Variants in APH1B observed in about 807,000 individuals in gnomAD.
The protein encoded by APH1B is aph-1B gamma-secretase subunit.
A neutral mutation model predicts 28.2 loss-of-function variants in APH1B; 27 were observed. The ratio of observed to expected loss-of-function variants is 0.96; its 90% CI spans 0.70 to 1.32. The LOEUF (loss-of-function observed/expected upper bound fraction) is 1.32. APH1B is among the 40% of genes most tolerant of loss of function. APH1B has a pLI of 0.00. For missense variants in APH1B, 305 were observed against 313.6 expected, an observed-to-expected ratio of 0.97 and a Z score of 0.21; for synonymous variants, 141 against 124.6, an observed-to-expected ratio of 1.13 and a Z score of -0.88.
At position 63,307,127 on chromosome 15, in the gene APH1B, T is replaced by G. The variant is rs1190994073; in HGVS notation, c.*1346T>G. On this transcript the variant is annotated 3_prime_UTR_variant, in exon 6 of 6. Coordinates refer to ENST00000261879, the MANE Select transcript of APH1B (RefSeq NM_031301.4). Reference sequence around the variant, plus strand: ...GTGATGTCTCAGTGAATACCATACATGCAGTAGAACATTCAGAAGAGAGGA... The same window carrying G: ...GTGATGTCTCAGTGAATACCATACAGGCAGTAGAACATTCAGAAGAGAGGA... 1 of 152,230 alleles carries G rather than the reference T, an allele frequency of 6.6e-6. No individual in the cohort carries two copies. Among genetic ancestry groups the G allele is most frequent in the Non-Finnish European group, 1.5e-5 (1 of 68,038 alleles). The allele number at this position is 152,230 out of a possible 1,614,324, so 9.4% of individuals were successfully genotyped here.
At chr15:63,300,166 A>G (rs558764510) in intron 4 of APH1B, among the ~76,000 whole-genome samples, 2 of 152,260 alleles carry the variant, frequency 1.3e-5, no homozygotes, top group African/African-American at 2.4e-5. Flanking sequence ...TCAGGGGTCA[A>G]GAAGCTCTGG....
At chr15:63,301,157 C>T (rs909656392) in intron 4 of APH1B, among the ~76,000 whole-genome samples, 1 of 152,206 alleles carries the variant, frequency 6.6e-6, no homozygotes, top group Non-Finnish European at 1.5e-5. Context: ...AACAAGTTCC[C>T]AGGTGCAGTG....
At chr15:63,299,646 C>G (rs1230997401) in intron 4 of APH1B, among the ~76,000 whole-genome samples, 1 of 152,024 alleles carries the variant, frequency 6.6e-6, no homozygotes, top group Non-Finnish European at 1.5e-5. Flanking sequence ...CCTCGTGATA[C>G]TCCTGCCTCG....
chr15:63,277,785 G>T (rs374623558), intron 1 of APH1B, 49 bp downstream of exon 1: 3 of 1,559,080 alleles, frequency 1.9e-6, no homozygotes, highest in East Asian at 2.3e-5. Flanking sequence ...CCCCTCCCCC[G>T]CTGGGGTTAC....
At chr15:63,282,072 A>C (rs938268903) in intron 2 of APH1B, among the ~76,000 whole-genome samples, 1 of 152,356 alleles carries the variant, frequency 6.6e-6, no homozygotes, top group African/African-American at 2.4e-5. Context: ...TTTCCCAGCA[A>C]ATTTGAGAAA....
At chr15:63,292,068 G>A (rs183830155) in intron 4 of APH1B, 17 of 152,150 alleles carry the variant, frequency 1.1e-4, no homozygotes, top group East Asian at 5.8e-4. Flanking sequence ...TTTTCTATTC[G>A]TAATATTTTA....
chr15:63,284,910 G>T (rs1289014699), intron 2 of APH1B, among the ~76,000 whole-genome samples: 1 of 152,006 alleles, frequency 6.6e-6, no homozygotes, highest in Admixed American at 6.5e-5. Context: ...CACATTTTTT[G>T]ATTCTACTAT....
chr15:63,298,680 G>T (rs1435720137), intron 4 of APH1B, among the ~76,000 whole-genome samples: 1 of 152,142 alleles, frequency 6.6e-6, no homozygotes, highest in Non-Finnish European at 1.5e-5. Flanking sequence ...ATATTAAAAA[G>T]ATATGGATTG....
At chr15:63,298,042 T>C (rs998033745) in intron 4 of APH1B, among the ~76,000 whole-genome samples, 1 of 152,208 alleles carries the variant, frequency 6.6e-6, no homozygotes, top group East Asian at 1.9e-4. Flanking sequence ...GTTTCATGTG[T>C]TGTAATAGTC....
intron 4 of APH1B, among the ~76,000 whole-genome samples, chr15:63,294,325 A>T (rs988796881): frequency 6.6e-6 from 1 of 152,208 alleles, no homozygotes; most frequent in Non-Finnish European, 1.5e-5. Flanking sequence ...TTTATTGCTC[A>T]GTCTAGCCCC....
At chr15:63,282,495 G>A (rs561579159) in intron 2 of APH1B, among the ~76,000 whole-genome samples, 4 of 152,330 alleles carry the variant, frequency 2.6e-5, no homozygotes, top group South Asian at 2.1e-4. Context: ...TGCATAAAGA[G>A]AAATTGGCAT....
chr15:63,278,985 A>G (rs2038355547), intron 1 of APH1B, among the ~76,000 whole-genome samples, 176 bp from the exon 2 acceptor site: 1 of 152,224 alleles, frequency 6.6e-6, no homozygotes, highest in Non-Finnish European at 1.5e-5. Context: ...TCACCAAGGA[A>G]AATGCACCGT....
intron 3 of APH1B, chr15:63,287,075 G>A: frequency 4.1e-6 from 1 of 246,888 alleles, no homozygotes; most frequent in Non-Finnish European, 7.8e-6. Flanking sequence ...CTCAATTTCA[G>A]TTCTAAGCCA....
chr15:63,299,984 G>T (rs1451122181), intron 4 of APH1B, among the ~76,000 whole-genome samples: 1 of 152,064 alleles, frequency 6.6e-6, no homozygotes, highest in African/African-American at 2.4e-5. Flanking sequence ...AGACGTGAAG[G>T]TGCTATCCAT....
Position 63,287,492 on chromosome 15 carries a change from G to C in APH1B, c.424G>C (p.Gly142Arg), listed in dbSNP as rs200510746. The C allele has an allele frequency of 1.1e-4, 182 of 1,613,806 alleles. No homozygotes were observed. Among genetic ancestry groups the C allele is most frequent in the Non-Finnish European group, 1.5e-4 (179 of 1,179,904 alleles). ...SFVNTLSDSL[G>R]PGTVGIHGDS... is the part of the protein sequence containing the mutation. The stretch of plus-strand genomic sequence containing the variant: ...TGTGAATACCCTATCTGACTCCTTG[G>C]GGCCAGGCACAGTGGGCATTCATGG... The change falls in exon 4 of 6, where the codon GGG becomes CGG. Residue 142 changes from glycine to arginine, a missense_variant. Gly to Arg is a moderately radical substitution (Grantham distance 125, BLOSUM62 -2). Coordinates refer to ENST00000261879, the MANE Select transcript of APH1B (RefSeq NM_031301.4).
rs950390607 is a variant in APH1B at position 63,286,421 on chromosome 15, T to C, written c.285-137T>C. ...ATTTGCTGGGTTTGTTTAAATAAAT[T>C]ACAGATTTAGAGTATAACCTGATGC... On this transcript the variant is annotated intron_variant, in intron 2 of 5. Coordinates refer to ENST00000261879, the MANE Select transcript of APH1B (RefSeq NM_031301.4). 4 of 654,210 alleles carry C rather than the reference T, an allele frequency of 6.1e-6. No homozygotes were observed. In the African/African-American group the frequency reaches 7.7e-5, roughly 13 times the overall value. 40.5% of individuals were successfully genotyped at this position (654,210 alleles called of 1,614,324 possible). A position where few individuals can be genotyped will look rare whatever the true frequency, so the allele number is the denominator to read the frequency against.
chr15:63,282,051 A>G (rs59087405), intron 2 of APH1B, among the ~76,000 whole-genome samples: 2,022 of 152,340 alleles, frequency 0.013, 35 homozygotes, highest in African/African-American at 0.047. Flanking sequence ...AGCCTTTAGA[A>G]TATTCAAAAT....
At chr15:63,297,303 T>C (rs2038578174) in intron 4 of APH1B, among the ~76,000 whole-genome samples, 1 of 152,146 alleles carries the variant, frequency 6.6e-6, no homozygotes, top group Non-Finnish European at 1.5e-5. Flanking sequence ...GGTGGGCAGA[T>C]TGCCTGAACT....
At chr15:63,291,301 A>C (rs1305909770) in intron 4 of APH1B, among the ~76,000 whole-genome samples, 1 of 152,244 alleles carries the variant, frequency 6.6e-6, no homozygotes, top group Non-Finnish European at 1.5e-5. Flanking sequence ...GCTTTAGAAG[A>C]AAAAATGTCT....
Sources: allele counts gnomAD v4.1 joint callset (sites outside exome capture counted in the v4.1 genomes callset), GRCh38; gene constraint gnomAD v4.1.1; transcripts MANE v1.5; gene names NCBI Gene and HGNC (gene_info 2026-07-23, HGNC 2026-07-21).